The following ZNF536 variants were observed in gnomAD, a reference collection of about 807,000 sequenced individuals.
The protein encoded by ZNF536 is zinc finger protein 536.
Under a neutral mutation model 84.5 loss-of-function variants are expected in ZNF536, and 13 were observed. The observed-to-expected ratio is 0.15, with a 90% CI of 0.10 to 0.24. The LOEUF (loss-of-function observed/expected upper bound fraction) is 0.24. Ranked by LOEUF, ZNF536 falls within the 10% of genes least tolerant of loss-of-function variation. ZNF536 has a pLI of 1.00. For synonymous variants in ZNF536, 811 were observed against 742.5 expected, an observed-to-expected ratio of 1.09 and a Z score of -1.50; for missense variants, 1,536 against 1,747.5, an observed-to-expected ratio of 0.88 and a Z score of 2.16.
intron 2 of ZNF536, among the ~76,000 whole-genome samples, chr19:30,301,301 G>C (rs913820507): frequency 2.7e-4 from 41 of 152,114 alleles, no homozygotes; most frequent in Non-Finnish European, 6.0e-4. Context: ...GAGGAAATAG[G>C]AAGCTGAGGT....
At chr19:30,345,570 C>A (rs2047714555) in intron 2 of ZNF536, among the ~76,000 whole-genome samples, 1 of 152,150 alleles carries the variant, frequency 6.6e-6, no homozygotes, top group Non-Finnish European at 1.5e-5. Flanking sequence ...CCCATGTCTA[C>A]TTAAGGTAGA....
rs1439005568 is a variant in ZNF536, at chr19:30,502,315, G to A, written c.2171-32532G>A. Among the ~76,000 whole-genome samples, 4 of 152,182 alleles carry A rather than the reference G, an allele frequency of 2.6e-5. No individual in the cohort carries two copies. The East Asian group carries it at 7.7e-4, about 29-fold the overall frequency. ...CATGCATCTGCAAACTCTGGAACAA[G>A]GGTAGGGCTGGCTGGCAGTGTGGGT... On this transcript the variant is annotated intron_variant, in intron 2 of 4. Coordinates refer to ENST00000355537, the MANE Select transcript of ZNF536 (RefSeq NM_014717.3).
At chr19:30,520,538 T>C (rs2044279121) in intron 2 of ZNF536, among the ~76,000 whole-genome samples, 1 of 152,130 alleles carries the variant, frequency 6.6e-6, no homozygotes, top group African/African-American at 2.4e-5. Context: ...TGGAGGATAA[T>C]ACCAAGTAAG....
At chr19:30,462,113 C>T (rs1009508156) in intron 2 of ZNF536, among the ~76,000 whole-genome samples, 2 of 152,132 alleles carry the variant, frequency 1.3e-5, no homozygotes, top group Non-Finnish European at 2.9e-5. Context: ...TTGTTGTGGG[C>T]ACAGAGGGCT....
chr19:30,462,320 GTGTGTGTTGAA>G (rs1308238814), intron 2 of ZNF536, among the ~76,000 whole-genome samples: 1 of 151,478 alleles, frequency 6.6e-6, no homozygotes, highest in Non-Finnish European at 1.5e-5. Flanking sequence ...GTGTGTGTGT[GTGTGTGTTGAA>G]TGTGTGTTGT....
intron 1 of ZNF536, among the ~76,000 whole-genome samples, chr19:30,275,041 G>C (rs2026052514): frequency 6.6e-6 from 1 of 152,142 alleles, no homozygotes; most frequent in Admixed American, 6.5e-5. Context: ...TAGTTTTGTT[G>C]TCCTGCCAAG....
chr19:30,570,612 C>T (rs942761682), intron 1 of ZNF536, among the ~76,000 whole-genome samples: 9 of 152,098 alleles, frequency 5.9e-5, no homozygotes, highest in South Asian at 4.1e-4. Context: ...CAGATTTCAG[C>T]GCCACTGAGA....
At chr19:30,330,746 C>T (rs1023439921) in intron 2 of ZNF536, among the ~76,000 whole-genome samples, 2 of 152,114 alleles carry the variant, frequency 1.3e-5, no homozygotes, top group Non-Finnish European at 2.9e-5. Flanking sequence ...AAGCAGGTGG[C>T]CAGGGAACTT....
chr19:30,376,715 G>T (rs924581416), intron 1 of ZNF536, among the ~76,000 whole-genome samples: 2 of 152,168 alleles, frequency 1.3e-5, no homozygotes, highest in South Asian at 4.1e-4. Context: ...CATGGTGTGG[G>T]TTCCCTCTTC....
intron 1 of ZNF536, among the ~76,000 whole-genome samples, chr19:30,279,035 T>A (rs1320329443): frequency 3.3e-5 from 5 of 152,154 alleles, no homozygotes; most frequent in Non-Finnish European, 7.3e-5. Flanking sequence ...GAATGCACCA[T>A]CTCCATCCAA....
At chr19:30,287,718 ATGGG>A (rs1218710132) in intron 2 of ZNF536, among the ~76,000 whole-genome samples, 3 of 116,080 alleles carry the variant, frequency 2.6e-5, no homozygotes, top group Non-Finnish European at 5.3e-5. Flanking sequence ...GAGTGGATGG[ATGGG>A]TGGGTGGGTG....
At chr19:30,257,644 G>A (rs367713459) in intron 1 of ZNF536, among the ~76,000 whole-genome samples, 223 of 152,316 alleles carry the variant, frequency 1.5e-3, no homozygotes, top group South Asian at 4.6e-3. Context: ...TCTGTTTACA[G>A]GGAAGAACTA....
intron 2 of ZNF536, among the ~76,000 whole-genome samples, chr19:30,336,920 T>C (rs1467077934): frequency 6.6e-6 from 1 of 152,196 alleles, no homozygotes; most frequent in East Asian, 1.9e-4. Context: ...TAGTGATTAG[T>C]TCGAGGAAAG....
Position 30,679,537 on chromosome 19 carries a change from C to T in ZNF536, c.170-31220C>T, listed in dbSNP as rs558666868. Among the ~76,000 whole-genome samples the T allele has an allele frequency of 1.5e-3, 235 of 152,298 alleles. 1 individual carries two copies. The highest frequency in any genetic ancestry group is 5.4e-3 in the African/African-American group (226 of 41,578). The stretch of plus-strand genomic sequence containing the variant: ...CTGTGCAGCTGTCCCCTCCCCTCCA[C>T]GAACTGCCCCCTCCCCACGACTTCT... On this transcript the variant is annotated intron_variant, in intron 1 of 1. Transcript: ENST00000592773.
chr19:30,573,898 C>T (rs1599853637), intron 1 of ZNF536, among the ~76,000 whole-genome samples: 1 of 152,304 alleles, frequency 6.6e-6, no homozygotes, highest in South Asian at 2.1e-4. Flanking sequence ...AACATGATGG[C>T]CATGACAGTG....
chr19:30,488,936 C>T (rs906832556), intron 2 of ZNF536, among the ~76,000 whole-genome samples: 14 of 152,120 alleles, frequency 9.2e-5, no homozygotes, highest in East Asian at 5.8e-4. Context: ...TTCCAGTTCC[C>T]GAAGCATTAG....
rs144218492 is a variant in ZNF536, at chr19:30,247,512, G to A, written c.-190+18839G>A. Reference sequence around the variant, plus strand: ...GTTCTTCTCTGATGGGTTACACCTCGAACCTGGAGACATGGTTAAACATCC... The same window carrying A: ...GTTCTTCTCTGATGGGTTACACCTCAAACCTGGAGACATGGTTAAACATCC... On this transcript the variant is annotated intron_variant, in intron 1 of 5. Transcript: ENST00000585628. 4.5e-3 allele frequency among the ~76,000 whole-genome samples: 687 copies of A among 152,256 alleles called. 6 individuals are homozygous for A. The highest frequency in any genetic ancestry group is 0.01 in the Middle Eastern group (3 of 294).
At chr19:30,605,107 C>T (rs1244235318) in intron 1 of ZNF536, among the ~76,000 whole-genome samples, 3 of 152,202 alleles carry the variant, frequency 2.0e-5, no homozygotes, top group African/African-American at 4.8e-5. Flanking sequence ...TGGAGGAACT[C>T]ATTCTACATG....
intron 3 of ZNF536, among the ~76,000 whole-genome samples, chr19:30,545,564 ATTGT>A (rs750441853): frequency 6.6e-6 from 1 of 151,424 alleles, no homozygotes. Context: ...CGCCCGGCTA[ATTGT>A]TTGTATTTTT....
Sources: allele counts gnomAD v4.1 joint callset (sites outside exome capture counted in the v4.1 genomes callset), GRCh38; gene constraint gnomAD v4.1.1; transcripts MANE v1.5; gene names NCBI Gene and HGNC (gene_info 2026-07-23, HGNC 2026-07-21).